The following PCSK2 variants were observed in gnomAD, a reference collection of about 807,000 sequenced individuals.
The protein encoded by PCSK2 is proprotein convertase subtilisin/kexin type 2, also known as neuroendocrine convertase 2.
A neutral mutation model predicts 69.7 loss-of-function variants in PCSK2; 14 were observed. The observed-to-expected ratio is 0.20, with a 90% CI of 0.13 to 0.31. The LOEUF is 0.31. PCSK2 is among the 10% of genes least tolerant of loss of function. The pLI, the probability that PCSK2 is intolerant of heterozygous loss-of-function variation, is 1.00. For missense variants in PCSK2, 544 were observed against 842.5 expected (o/e 0.65, Z 4.39); for synonymous variants, 307 against 320.7 (o/e 0.96, Z 0.46).
intron 11 of PCSK2, among the ~76,000 whole-genome samples, chr20:17,481,276 G>A (rs1311252895): frequency 6.6e-6 from 1 of 151,766 alleles, no homozygotes; most frequent in East Asian, 1.9e-4. Context: ...TGGCTACTGG[G>A]GAGGCTGAGG....
chr20:17,289,664 CTT>C (rs902031967), intron 2 of PCSK2, among the ~76,000 whole-genome samples: 5 of 152,210 alleles, frequency 3.3e-5, no homozygotes, highest in African/African-American at 1.2e-4. Flanking sequence ...CTAAACATCA[CTT>C]AACTTTTTTT....
chr20:17,391,388 T>C lies in PCSK2; in HGVS notation c.544-17875T>C, dbSNP rs796435095. Among the ~76,000 whole-genome samples the C allele has an allele frequency of 4.6e-5, 7 of 152,030 alleles. No individual in the cohort carries two copies. The East Asian group carries it at 7.7e-4, about 17-fold the overall frequency. Reference sequence around the variant, plus strand: ...CATAATGAGGAAATAAAACACATGATTTAAAAAAAATAAAAAAACTCATCA... The same window carrying C: ...CATAATGAGGAAATAAAACACATGACTTAAAAAAAATAAAAAAACTCATCA... On this transcript the variant is annotated intron_variant, in intron 5 of 11. Coordinates refer to ENST00000262545, the MANE Select transcript of PCSK2 (RefSeq NM_002594.5).
At chr20:17,301,533 T>C (rs1989082390) in intron 2 of PCSK2, among the ~76,000 whole-genome samples, 1 of 152,236 alleles carries the variant, frequency 6.6e-6, no homozygotes, top group African/African-American at 2.4e-5. Flanking sequence ...GATATTTAAG[T>C]TGCCTATAAA....
At chr20:17,421,191 T>A (rs757192101) in intron 6 of PCSK2, among the ~76,000 whole-genome samples, 1 of 152,182 alleles carries the variant, frequency 6.6e-6, no homozygotes, top group Non-Finnish European at 1.5e-5. Flanking sequence ...CTTGTATGCA[T>A]GAAACAAAGT....
intron 2 of PCSK2, among the ~76,000 whole-genome samples, chr20:17,326,363 C>A (rs762694262): frequency 6.6e-6 from 1 of 151,950 alleles, no homozygotes; most frequent in Non-Finnish European, 1.5e-5. Context: ...ATTGTCACAG[C>A]CAAGAAGAAC....
At chr20:17,475,105 G>A (rs147133953) in intron 11 of PCSK2, among the ~76,000 whole-genome samples, 282 of 151,670 alleles carry the variant, frequency 1.9e-3, no homozygotes, top group African/African-American at 6.7e-3. Context: ...GGCAGAAGTA[G>A]CCAAGAAAGG....
chr20:17,339,674 C>G (rs1247103692), intron 2 of PCSK2, among the ~76,000 whole-genome samples: 1 of 152,048 alleles, frequency 6.6e-6, no homozygotes, highest in East Asian at 1.9e-4. Context: ...GTGGCTTTTC[C>G]AACGGTTCTG....
chr20:17,471,726 G>C (rs1294988004), intron 11 of PCSK2, among the ~76,000 whole-genome samples: 1 of 152,328 alleles, frequency 6.6e-6, no homozygotes, highest in East Asian at 1.9e-4. Context: ...TTAGGTCTAG[G>C]GCAAATACAC....
chr20:17,402,466 G>T (rs2031660016), intron 5 of PCSK2, among the ~76,000 whole-genome samples: 1 of 150,684 alleles, frequency 6.6e-6, no homozygotes, highest in Non-Finnish European at 1.5e-5. Context: ...TGGAGTTCGA[G>T]ACCAGCCTGG....
intron 7 of PCSK2, among the ~76,000 whole-genome samples, chr20:17,431,830 A>G (rs755134652): frequency 2.0e-5 from 3 of 152,256 alleles, no homozygotes; most frequent in Non-Finnish European, 4.4e-5. Flanking sequence ...CTGGCTGGCA[A>G]TTCCAAAAGT....
chr20:17,456,173 G>A (rs545426464), intron 9 of PCSK2, among the ~76,000 whole-genome samples, 175 bp from the exon 10 acceptor site: 17 of 152,142 alleles, frequency 1.1e-4, no homozygotes, highest in African/African-American at 2.2e-4. Context: ...CCTGGGAGGC[G>A]GAGGTTGCCA....
chr20:17,461,408 G>A lies in PCSK2; in HGVS notation c.1203-3918G>A, dbSNP rs1159180459. Among the ~76,000 whole-genome samples, 5 of 152,074 alleles carry A rather than the reference G, an allele frequency of 3.3e-5. No individual in the cohort carries two copies. In the East Asian group the frequency reaches 7.7e-4, roughly 23 times the overall value. On this transcript the variant is annotated intron_variant, in intron 10 of 11. Coordinates refer to ENST00000262545, the MANE Select transcript of PCSK2 (RefSeq NM_002594.5). The stretch of plus-strand genomic sequence containing the variant: ...GAAAGAAAATGAATGGATCTTTTAC[G>A]ACTCCAAACATCTCTTATGATGAAG...
intron 1 of PCSK2, 117 bp downstream of exon 1, chr20:17,227,599 T>G (rs1985977971): frequency 1.4e-6 from 1 of 728,038 alleles, no homozygotes; most frequent in Admixed American, 2.5e-5. Context: ...ATGCAGATAT[T>G]CTGCCATGGG....
At chr20:17,378,644 AATGGATGG>A (rs1371052154) in intron 5 of PCSK2, among the ~76,000 whole-genome samples, 14 of 80,400 alleles carry the variant, frequency 1.7e-4, no homozygotes, top group African/African-American at 7.6e-4. Context: ...TGGATGGATG[AATGGATGG>A]ATGGATGATT....
intron 5 of PCSK2, among the ~76,000 whole-genome samples, chr20:17,388,300 A>AT (rs1453405771): frequency 1.3e-5 from 2 of 152,138 alleles, no homozygotes; most frequent in Non-Finnish European, 2.9e-5. Flanking sequence ...TAGATTTGGC[A>AT]TTTTTCAAAG....
At chr20:17,457,638 A>G (rs1250838421) in intron 10 of PCSK2, among the ~76,000 whole-genome samples, 1 of 152,200 alleles carries the variant, frequency 6.6e-6, no homozygotes, top group Non-Finnish European at 1.5e-5. Context: ...CACAGAAAAC[A>G]AAATTTACTC....
chr20:17,470,651 C>T (rs1280599796), intron 11 of PCSK2, among the ~76,000 whole-genome samples: 1 of 152,174 alleles, frequency 6.6e-6, no homozygotes, highest in Non-Finnish European at 1.5e-5. Context: ...CTTTATTCCA[C>T]TATCTCATTT....
chr20:17,264,717 A>T (rs1161803775), intron 2 of PCSK2, among the ~76,000 whole-genome samples: 1 of 151,648 alleles, frequency 6.6e-6, no homozygotes, highest in African/African-American at 2.4e-5. Flanking sequence ...ACTGGACATG[A>T]TTTATATGAT....
chr20:17,372,594 C>G (rs1352045049), intron 5 of PCSK2, among the ~76,000 whole-genome samples: 1 of 152,118 alleles, frequency 6.6e-6, no homozygotes, highest in Admixed American at 6.6e-5. Flanking sequence ...AATGTGATTT[C>G]TGTGCAAAAC....
Sources: gnomAD v4.1 joint callset for allele counts (sites outside exome capture counted in the v4.1 genomes callset) on GRCh38, gnomAD v4.1.1 for gene constraint, MANE v1.5 for transcripts, NCBI Gene and HGNC (gene_info 2026-07-23, HGNC 2026-07-21) for gene names.